Variants in ATP8B4 observed in about 807,000 individuals in gnomAD.
ATP8B4 encodes the protein ATPase phospholipid transporting 8B4 (putative).
A neutral mutation model predicts 145.6 loss-of-function variants in ATP8B4; 133 were observed. That is an observed-to-expected ratio of 0.91 (90% CI 0.79 to 1.05). The LOEUF is 1.05. ATP8B4 is among the 50% of genes least tolerant of loss of function. ATP8B4 has a pLI of 0.00. For missense variants in ATP8B4, 1,458 were observed against 1,425.2 expected (o/e 1.02, Z -0.37); for synonymous variants, 507 against 492.9 (o/e 1.03, Z -0.38).
chr15:49,865,592 G>C (rs1273237720), intron 26 of ATP8B4, among the ~76,000 whole-genome samples: 1 of 152,192 alleles, frequency 6.6e-6, no homozygotes, highest in Non-Finnish European at 1.5e-5. Flanking sequence ...AGGAGATATT[G>C]CCGGAATTGA....
At chr15:50,113,260 G>A (rs542523640) in intron 1 of ATP8B4, 1 of 152,366 alleles carries the variant, frequency 6.6e-6, no homozygotes, top group East Asian at 1.9e-4. Context: ...ACTCAGCCAT[G>A]AGACCCCAGA....
At chr15:50,009,976 A>G (rs767870334) in intron 7 of ATP8B4, among the ~76,000 whole-genome samples, 5 of 152,180 alleles carry the variant, frequency 3.3e-5, no homozygotes, top group Non-Finnish European at 7.3e-5. Flanking sequence ...CAGTATACAC[A>G]GATGGTGCAT....
At chr15:49,978,276 A>G (rs2045846957) in intron 12 of ATP8B4, among the ~76,000 whole-genome samples, 1 of 152,196 alleles carries the variant, frequency 6.6e-6, no homozygotes, top group South Asian at 2.1e-4. Flanking sequence ...AGGATTTACT[A>G]CAGACTTTAT....
chr15:49,871,189 G>T (rs2033614701), intron 25 of ATP8B4, among the ~76,000 whole-genome samples: 1 of 152,182 alleles, frequency 6.6e-6, no homozygotes, highest in African/African-American at 2.4e-5. Context: ...CTCAATGGTG[G>T]TAATAGTACT....
At chr15:49,955,464 C>T (rs1413720227) in intron 14 of ATP8B4, among the ~76,000 whole-genome samples, 2 of 152,182 alleles carry the variant, frequency 1.3e-5, no homozygotes, top group Non-Finnish European at 2.9e-5. Context: ...CTATAGAAAA[C>T]AGTATGAAAG....
At chr15:49,919,928 T>TAA (rs1239978988) in intron 18 of ATP8B4, among the ~76,000 whole-genome samples, 1 of 152,000 alleles carries the variant, frequency 6.6e-6, no homozygotes, top group Non-Finnish European at 1.5e-5. Flanking sequence ...AAAAGGTGGG[T>TAA]AATAAAACAA....
intron 1 of ATP8B4, among the ~76,000 whole-genome samples, chr15:50,132,440 C>G (rs2044060419): frequency 6.6e-6 from 1 of 152,114 alleles, no homozygotes; most frequent in African/African-American, 2.4e-5. Context: ...GAATGGCGAT[C>G]ATTAAAAAGT....
chr15:50,106,452 G>A (rs1285115221), intron 2 of ATP8B4, among the ~76,000 whole-genome samples: 2 of 152,172 alleles, frequency 1.3e-5, no homozygotes, highest in Admixed American at 6.6e-5. Flanking sequence ...CTGCTATCAT[G>A]ATCAAAATTA....
At chr15:50,054,794 AAAAAAAAAAAAAAAAC>A (rs1290141875) in intron 3 of ATP8B4, among the ~76,000 whole-genome samples, 13 of 130,162 alleles carry the variant, frequency 1.0e-4, no homozygotes, top group African/African-American at 3.7e-4. Context: ...AAAAAAAAAA[AAAAAAAAAAAAAAAAC>A]AAAAAAAAAA....
chr15:49,866,021 C>G (rs914817355), intron 26 of ATP8B4, among the ~76,000 whole-genome samples: 1 of 152,182 alleles, frequency 6.6e-6, no homozygotes, highest in Admixed American at 6.5e-5. Context: ...TTTCTTCTCT[C>G]TACCATATAT....
At chr15:49,903,021 C>T (rs957865636) in intron 20 of ATP8B4, among the ~76,000 whole-genome samples, 1 of 152,124 alleles carries the variant, frequency 6.6e-6, no homozygotes, top group Admixed American at 6.5e-5. Context: ...TCTCCTTAAA[C>T]TGTCTTCCTA....
intron 25 of ATP8B4, among the ~76,000 whole-genome samples, chr15:49,869,684 A>G (rs2033381803): frequency 6.6e-6 from 1 of 152,218 alleles, no homozygotes; most frequent in South Asian, 2.1e-4. Context: ...TTTGACAGAC[A>G]TGATGGCAAA....
intron 25 of ATP8B4, among the ~76,000 whole-genome samples, chr15:49,873,736 G>A (rs2033983849): frequency 6.6e-6 from 1 of 152,148 alleles, no homozygotes; most frequent in Admixed American, 6.5e-5. Flanking sequence ...GGCTGCAGGA[G>A]GTGTGGCGAC....
At chr15:50,104,887 A>ACACACACACACACACACCCC (rs753542910) in intron 2 of ATP8B4, among the ~76,000 whole-genome samples, 6 of 151,396 alleles carry the variant, frequency 4.0e-5, no homozygotes, top group East Asian at 1.9e-4. Context: ...ACACACACAC[A>ACACACACACACACACACCCC]CCCATATATA....
intron 1 of ATP8B4, among the ~76,000 whole-genome samples, chr15:50,127,938 G>A (rs2057318094): frequency 6.6e-6 from 1 of 152,156 alleles, no homozygotes; most frequent in Admixed American, 6.5e-5. Flanking sequence ...CCATCTTTAG[G>A]TAGAGTGTGC....
intron 1 of ATP8B4, among the ~76,000 whole-genome samples, chr15:50,145,198 TAA>T (rs1283804118): frequency 1.3e-5 from 2 of 152,164 alleles, no homozygotes; most frequent in Admixed American, 1.3e-4. Context: ...GAACAAAAAA[TAA>T]AGAGGTAAAG....
intron 17 of ATP8B4, among the ~76,000 whole-genome samples, chr15:49,921,534 G>A (rs1039387938): frequency 1.3e-5 from 2 of 152,100 alleles, no homozygotes; most frequent in Non-Finnish European, 2.9e-5. Context: ...CTCCCATTCC[G>A]CTTGTGCTTC....
intron 19 of ATP8B4, 117 bp downstream of exon 19, chr15:49,918,722 C>G: frequency 1.4e-6 from 1 of 723,696 alleles, no homozygotes; most frequent in African/African-American, 1.8e-5. Flanking sequence ...TCAAGTCTTT[C>G]CTATGTGGAA....
At chr15:49,994,409 C>G (rs1567162957) in intron 9 of ATP8B4, among the ~76,000 whole-genome samples, 1 of 152,010 alleles carries the variant, frequency 6.6e-6, no homozygotes, top group South Asian at 2.1e-4. Flanking sequence ...TCTCGGCCCC[C>G]CAATGGGATT....
Sources: gnomAD v4.1 joint callset for allele counts (sites outside exome capture counted in the v4.1 genomes callset) on GRCh38, gnomAD v4.1.1 for gene constraint, MANE v1.5 for transcripts, NCBI Gene and HGNC (gene_info 2026-07-23, HGNC 2026-07-21) for gene names.